AGFG2: variants seen among roughly 807,000 people sequenced by gnomAD.
AGFG2 encodes ArfGAP with FG repeats 2, also known as arf-GAP domain and FG repeat-containing protein 2.
In AGFG2, 31 loss-of-function variants were observed where a neutral mutation model predicts 48.0. The ratio of observed to expected loss-of-function variants is 0.65; its 90% confidence interval spans 0.49 to 0.87. The LOEUF (loss-of-function observed/expected upper bound fraction) is 0.87, where lower values mean the gene tolerates loss of function less well. Among genes scored for constraint, AGFG2 ranks in the 40% least tolerant of loss-of-function variants. The probability of loss-of-function intolerance (pLI) is 0.00; values close to 1 mark genes in which losing one functional copy is unlikely to be tolerated. For synonymous variants in AGFG2, 229 were observed against 260.8 expected, an observed-to-expected ratio of 0.88 and a Z score of 1.18; for missense variants, 599 against 632.6, an observed-to-expected ratio of 0.95 and a Z score of 0.57.
intron 1 of AGFG2, among the ~76,000 whole-genome samples, chr7:100,542,992 A>G (rs930376583): frequency 2.0e-5 from 3 of 152,230 alleles, no homozygotes; most frequent in Non-Finnish European, 2.9e-5. Context: ...GCTAAAAGCT[A>G]TGAAGTAAAA....
At chr7:100,556,568 C>T (rs1800763161) in intron 6 of AGFG2, 1 of 1,288,496 alleles carries the variant, frequency 7.8e-7, no homozygotes, top group African/African-American at 1.5e-5. Context: ...TCTACCCACC[C>T]TTCTCTTCTC....
At position 100,553,493 on chromosome 7, in the gene AGFG2, C is replaced by T. The variant is rs779714534; in HGVS notation, c.578C>T (p.Ser193Leu). The T allele has an allele frequency of 2.7e-5, 43 of 1,596,400 alleles. No individual in the cohort carries two copies. The highest frequency in any genetic ancestry group is 2.3e-4 in the South Asian group (21 of 89,732). Reference sequence around the variant, plus strand: ...TCTCTCTCAGTTGCTGCCTCCACCTCGAGCCAGGTAACTCTCAGATCTGCT... The same window carrying T: ...TCTCTCTCAGTTGCTGCCTCCACCTTGAGCCAGGTAACTCTCAGATCTGCT... ...APSLSVAASTSSQPVSQSHAR... is the reference protein window; with the variant it reads ...APSLSVAASTLSQPVSQSHAR... The change falls in exon 4 of 12, where the codon TCG becomes TTG. Residue 193 changes from serine to leucine, a missense_variant. Transcript: ENST00000300176.
chr7:100,552,306 A>C (rs1800663850), intron 3 of AGFG2, among the ~76,000 whole-genome samples: 1 of 152,212 alleles, frequency 6.6e-6, no homozygotes, highest in Non-Finnish European at 1.5e-5. Context: ...CATGGCATTT[A>C]CATTGTATTA....
At chr7:100,541,766 C>CAAAA (rs11285690) in intron 1 of AGFG2, among the ~76,000 whole-genome samples, 1 of 65,528 alleles carries the variant, frequency 1.5e-5, no homozygotes, top group African/African-American at 5.8e-5. Flanking sequence ...CTCTGTCTCA[C>CAAAA]AAAAAAAAAA....
chr7:100,555,830 C>G, intron 6 of AGFG2, 95 bp downstream of exon 6: 1 of 1,508,096 alleles, frequency 6.6e-7, no homozygotes, highest in Non-Finnish European at 9.0e-7. Context: ...TCCTAAAGAA[C>G]TGCTCAAAGC....
chr7:100,550,148 A>C (rs1241463309), intron 2 of AGFG2, among the ~76,000 whole-genome samples: 1 of 152,158 alleles, frequency 6.6e-6, no homozygotes, highest in Non-Finnish European at 1.5e-5. Flanking sequence ...CTCTATTAAA[A>C]GTACAAAAAT....
intron 1 of AGFG2, 98 bp downstream of exon 1, chr7:100,539,665 G>T: frequency 9.9e-7 from 1 of 1,008,144 alleles, no homozygotes; most frequent in Non-Finnish European, 1.3e-6. Context: ...GGGGGCCGAG[G>T]TGAGGGGCGG....
intron 5 of AGFG2, among the ~76,000 whole-genome samples, 178 bp from the exon 6 acceptor site, chr7:100,555,432 C>A (rs1424502798): frequency 6.6e-6 from 1 of 151,700 alleles, no homozygotes; most frequent in South Asian, 2.1e-4. Flanking sequence ...TACCACCACG[C>A]CCAGCTAATT....
At chr7:100,560,912 C>T (rs966211432) in intron 6 of AGFG2, among the ~76,000 whole-genome samples, 2 of 142,070 alleles carry the variant, frequency 1.4e-5, no homozygotes, top group African/African-American at 2.6e-5. Flanking sequence ...CCCGGGTTCA[C>T]GCCATTCTCC....
chr7:100,552,074 G>A (rs1217672262), intron 3 of AGFG2, among the ~76,000 whole-genome samples: 1 of 151,392 alleles, frequency 6.6e-6, no homozygotes, highest in Non-Finnish European at 1.5e-5. Flanking sequence ...GTGAAACCCC[G>A]TCTCTACTAA....
At chr7:100,548,564 C>T (rs905675598) in intron 1 of AGFG2, among the ~76,000 whole-genome samples, 1 of 152,148 alleles carries the variant, frequency 6.6e-6, no homozygotes, top group African/African-American at 2.4e-5. Flanking sequence ...CTGCCTGCCT[C>T]GGCCTTCTAA....
intron 11 of AGFG2, among the ~76,000 whole-genome samples, 166 bp downstream of exon 11, chr7:100,564,469 C>T (rs1028956504): frequency 7.2e-5 from 11 of 152,082 alleles, no homozygotes; most frequent in Non-Finnish European, 1.5e-4. Flanking sequence ...TGGGCACTGG[C>T]ATCTCCCATG....
At position 100,565,260 on chromosome 7, in the gene AGFG2, AT is replaced by A; in HGVS notation, c.*276del. On this transcript the variant is annotated 3_prime_UTR_variant, in exon 12 of 12. Coordinates refer to ENST00000300176, the MANE Select transcript of AGFG2 (RefSeq NM_006076.5). Reference sequence around the variant, plus strand: ...GAGGAGTGATGGTTGAGGGGGAGGGATTTTTTTCAAATGATCAGTCCCCTGT... The same window carrying A: ...GAGGAGTGATGGTTGAGGGGGAGGGATTTTTTCAAATGATCAGTCCCCTGT... The A allele has an allele frequency of 5.5e-6, 3 of 546,258 alleles. No individual in the cohort carries two copies. Among genetic ancestry groups the A allele is most frequent in the Non-Finnish European group, 9.9e-6 (3 of 303,518 alleles). The allele number at this position is 546,258 out of a possible 1,614,324, so 33.8% of individuals were successfully genotyped here. A position where few individuals can be genotyped will look rare whatever the true frequency, so the allele number is the denominator to read the frequency against.
In AGFG2 at chr7:100,562,507, G is replaced by A. The variant is rs1800898719; in HGVS notation, c.999-87G>A. 2.5e-6 allele frequency: 4 copies of A among 1,603,436 alleles called. No individual in the cohort carries two copies. In the East Asian group the frequency reaches 8.9e-5, roughly 36 times the overall value. ...CCCCTCCTCTCCCTTACTCACCCTG[G>A]AGAGCAGGGTTGGCATCTCCTGGCC... On this transcript the variant is annotated intron_variant, in intron 7 of 11. Coordinates refer to ENST00000300176, the MANE Select transcript of AGFG2 (RefSeq NM_006076.5). This position sits in a 1 kb window ranked among gnomAD's most constrained non-coding sequence, Gnocchi z 5.4.
At chr7:100,560,370 G>A (rs112584742) in intron 6 of AGFG2, among the ~76,000 whole-genome samples, 9,751 of 152,220 alleles carry the variant, frequency 0.064, 322 homozygotes, top group Middle Eastern at 0.078. Context: ...GTAGAGACAG[G>A]GTTTTGCCAT....
chr7:100,540,886 C>T (rs1044247742), intron 1 of AGFG2, among the ~76,000 whole-genome samples: 4 of 151,896 alleles, frequency 2.6e-5, no homozygotes, highest in Admixed American at 2.6e-4. Flanking sequence ...GTGGCGCGCA[C>T]CTGTACTCCC....
chr7:100,549,919 C>T (rs770223185), intron 2 of AGFG2, among the ~76,000 whole-genome samples: 7 of 152,110 alleles, frequency 4.6e-5, no homozygotes, highest in Non-Finnish European at 4.4e-5. Flanking sequence ...CTTGAACTCC[C>T]GTACTCAAGT....
intron 1 of AGFG2, 106 bp downstream of exon 1, chr7:100,539,673 C>T: frequency 1.4e-6 from 1 of 709,182 alleles, no homozygotes; most frequent in Non-Finnish European, 1.8e-6. Flanking sequence ...AGGTGAGGGG[C>T]GGAGGGGAGG....
intron 1 of AGFG2, among the ~76,000 whole-genome samples, chr7:100,546,035 A>G (rs1800504127): frequency 6.6e-6 from 1 of 152,120 alleles, no homozygotes; most frequent in African/African-American, 2.4e-5. Flanking sequence ...TACAGACATC[A>G]AGGTCAGAGC....
Sources: gnomAD v4.1 joint callset for allele counts (sites outside exome capture counted in the v4.1 genomes callset) on GRCh38, gnomAD v4.1.1 for gene constraint, Gnocchi (gnomAD v3.1) non-coding constraint, MANE v1.5 for transcripts, NCBI Gene and HGNC (gene_info 2026-07-23, HGNC 2026-07-21) for gene names.